The following OGT variants were observed in gnomAD, a reference collection of about 807,000 sequenced individuals.
OGT encodes the protein O-linked N-acetylglucosamine (GlcNAc) transferase.
A neutral mutation model predicts 75.8 loss-of-function variants in OGT; 3 were observed. The observed-to-expected ratio is 0.04, with a 90% CI of 0.02 to 0.10. The LOEUF is 0.10. Ranked by LOEUF, OGT falls within the 10% of genes least tolerant of loss-of-function variation. OGT has a pLI of 1.00. For synonymous variants in OGT, 257 were observed against 289.7 expected (o/e 0.89, Z 1.15); for missense variants, 260 against 824.4 (o/e 0.32, Z 8.38).
chrX:71,547,735 T>C, intron 4 of OGT, 172 bp from the exon 5 acceptor site: 1 of 1,084,181 alleles, frequency 9.2e-7, no homozygotes, highest in Non-Finnish European at 1.2e-6. Flanking sequence ...AGCGCATTAG[T>C]TTTGGCGCAA....
At chrX:71,570,260 C>T (rs371638229) in intron 21 of OGT, among the ~76,000 whole-genome samples, 1,420 of 85,072 alleles carry the variant, frequency 0.017, 13 homozygotes, top group Middle Eastern at 0.053. Context: ...AGGCTGGTCT[C>T]GAACTCCTGA....
chrX:71,557,397 A>G, intron 11 of OGT, 96 bp from the exon 12 acceptor site: 1 of 1,058,533 alleles, frequency 9.4e-7, no homozygotes, highest in Non-Finnish European at 1.3e-6. Context: ...AGTATTTTTA[A>G]TAGGCTATCT....
At chrX:71,543,855 C>T (rs1003735968) in intron 3 of OGT, among the ~76,000 whole-genome samples, 5 of 105,671 alleles carry the variant, frequency 4.7e-5, no homozygotes, top group African/African-American at 1.7e-4. Context: ...GGCACGATCT[C>T]GGCTAACTGC....
At chrX:71,547,814 C>G in intron 4 of OGT, 93 bp from the exon 5 acceptor site, 4 of 1,097,080 alleles carry the variant, frequency 3.6e-6, no homozygotes, top group Non-Finnish European at 4.8e-6. Flanking sequence ...TTCTTCCCCC[C>G]CTCCCCCCAA....
At chrX:71,565,383 T>C (rs1386779051) in intron 19 of OGT, among the ~76,000 whole-genome samples, 1 of 109,772 alleles carries the variant, frequency 9.1e-6, no homozygotes, top group Non-Finnish European at 1.9e-5. Context: ...TGTGCCACCA[T>C]GTCTGGGTAA....
Position 71,555,134 on chromosome X carries a change from T to TTTG in OGT, c.729-55_729-54insTGT, listed in dbSNP as rs541950947. On this transcript the variant is annotated intron_variant, in intron 6 of 21. Coordinates refer to ENST00000373719, the MANE Select transcript of OGT (RefSeq NM_181672.3). ...CCATCCATTAAGCATGAGTTACATT[T>TTTG]TGTGTGTGTGTGTGTGTGTGTGTGT... 9 of 533,808 alleles carry TTTG rather than the reference T, an allele frequency of 1.7e-5. No individual in the cohort carries two copies. The East Asian group carries it at 3.7e-4, about 22-fold the overall frequency. 44.0% of individuals were successfully genotyped at this position (533,808 alleles called of 1,213,427 possible). A position where few individuals can be genotyped will look rare whatever the true frequency, so the allele number is the denominator to read the frequency against.
In OGT at chrX:71,558,365, C is replaced by CT. The variant is rs563849120; in HGVS notation, c.1602+708dup. 1.8e-3 allele frequency among the ~76,000 whole-genome samples: 184 copies of CT among 99,845 alleles called. 2 individuals carry two copies. The highest frequency in any genetic ancestry group is 5.7e-3 in the South Asian group (13 of 2,269). The allele number at this position is 99,845 out of a possible 115,157, so 86.7% of individuals were successfully genotyped here. A position where few individuals can be genotyped will look rare whatever the true frequency, so the allele number is the denominator to read the frequency against. ...ATAATAGATTGGAGTGCTAGGTGTA[C>CT]TTTTTTTTTTTTTTTGAGACATAGT... is the stretch of plus-strand genomic sequence containing the variant. On this transcript the variant is annotated intron_variant, in intron 12 of 21. Coordinates refer to ENST00000373719, the MANE Select transcript of OGT (RefSeq NM_181672.3).
chrX:71,543,878 C>A (rs2040241490), intron 3 of OGT, among the ~76,000 whole-genome samples: 1 of 107,265 alleles, frequency 9.3e-6, no homozygotes, highest in African/African-American at 3.4e-5. Flanking sequence ...TCACTGCCTC[C>A]TGGGTTCAAC....
intron 12 of OGT, among the ~76,000 whole-genome samples, chrX:71,558,444 T>C (rs1433878112): frequency 9.2e-6 from 1 of 108,821 alleles, no homozygotes; most frequent in Non-Finnish European, 1.9e-5. Context: ...CATTGCAACC[T>C]CTGTCTCCCA....
At chrX:71,564,882 T>G (rs900095147) in intron 19 of OGT, 129 bp downstream of exon 19, 1 of 476,579 alleles carries the variant, frequency 2.1e-6, no homozygotes, top group Non-Finnish European at 3.4e-6. Flanking sequence ...TTTGGCTGGG[T>G]GCAGTGGCTC....
Position 71,575,361 on chromosome X carries a change from A to G in OGT, c.*1567A>G, listed in dbSNP as rs548886912. The G allele has an allele frequency of 1.8e-5, 2 of 112,542 alleles. No individual in the cohort carries two copies. The highest frequency in any genetic ancestry group is 6.5e-5 in the African/African-American group (2 of 30,949). The allele number at this position is 112,542 out of a possible 1,213,427, so 9.3% of individuals were successfully genotyped here. A position where few individuals can be genotyped will look rare whatever the true frequency, so the allele number is the denominator to read the frequency against. On this transcript the variant is annotated 3_prime_UTR_variant, in exon 22 of 22. Transcript: ENST00000373719. The stretch of plus-strand genomic sequence containing the variant: ...TCTGGAAGATTCTTACTGTTAACCA[A>G]ATTTTGAGCAAGGAGTCTCAAAGGT...
chrX:71,544,079 C>G (rs764057624), intron 3 of OGT, among the ~76,000 whole-genome samples: 5 of 110,407 alleles, frequency 4.5e-5, no homozygotes, highest in East Asian at 2.8e-4. Context: ...AGCCACCACG[C>G]CCGGCCTGAT....
intron 12 of OGT, among the ~76,000 whole-genome samples, chrX:71,558,363 T>C (rs1167592164): frequency 1.8e-5 from 2 of 109,691 alleles, no homozygotes; most frequent in Non-Finnish European, 3.8e-5. Context: ...GTGCTAGGTG[T>C]ACTTTTTTTT....
intron 21 of OGT, among the ~76,000 whole-genome samples, chrX:71,568,625 C>T (rs762833946): frequency 9.1e-5 from 10 of 110,357 alleles, no homozygotes; most frequent in Non-Finnish European, 1.7e-4. Context: ...ATCAGGAGTT[C>T]GAGACCAGCC....
intron 2 of OGT, among the ~76,000 whole-genome samples, chrX:71,537,503 A>T (rs1250796876): frequency 9.0e-6 from 1 of 110,896 alleles, no homozygotes; most frequent in Admixed American, 9.6e-5. Flanking sequence ...GGGTTTCACC[A>T]TATTGGCCAG....
intron 14 of OGT, among the ~76,000 whole-genome samples, chrX:71,560,848 T>C (rs1193707740): frequency 5.4e-5 from 6 of 111,293 alleles, no homozygotes. Context: ...GTAACCTTTC[T>C]CTGTTTGCCA....
intron 5 of OGT, 53 bp from the exon 6 acceptor site, chrX:71,554,460 A>G (rs2040328741): frequency 1.1e-6 from 1 of 869,872 alleles, no homozygotes; most frequent in Non-Finnish European, 1.7e-6. Context: ...TGGGAAGTTG[A>G]TCTGGTGAAA....
At chrX:71,570,041 T>TTTG (rs2040445664) in intron 21 of OGT, among the ~76,000 whole-genome samples, 2 of 66,841 alleles carry the variant, frequency 3.0e-5, no homozygotes, top group South Asian at 9.3e-4. Context: ...GCGTTTTTTT[T>TTTG]TTTTTTTTTT....
intron 18 of OGT, 42 bp downstream of exon 18, chrX:71,563,541 T>C (rs749655895): frequency 1.9e-6 from 2 of 1,036,219 alleles, no homozygotes; most frequent in African/African-American, 1.9e-5. Flanking sequence ...CCGCCAAGTA[T>C]GCATTTATTT....
Sources: allele counts gnomAD v4.1 joint callset (sites outside exome capture counted in the v4.1 genomes callset), GRCh38; gene constraint gnomAD v4.1.1; transcripts MANE v1.5; gene names NCBI Gene and HGNC (gene_info 2026-07-23, HGNC 2026-07-21).